POLR3B: variants seen among roughly 807,000 people sequenced by gnomAD.
POLR3B encodes RNA polymerase III subunit B.
POLR3B carries 96 observed loss-of-function variants against 147.4 expected under a neutral mutation model. The ratio of observed to expected loss-of-function variants is 0.65; its 90% CI spans 0.55 to 0.77. The LOEUF is 0.77. Ranked by LOEUF, POLR3B falls within the 30% of genes least tolerant of loss-of-function variation. The probability of loss-of-function intolerance (pLI) is 0.00; values close to 1 mark genes in which losing one functional copy is unlikely to be tolerated. For missense variants in POLR3B, 1,036 were observed against 1,413.5 expected, an observed-to-expected ratio of 0.73 and a Z score of 4.28; for synonymous variants, 461 against 485.9, an observed-to-expected ratio of 0.95 and a Z score of 0.67.
At chr12:106,393,491 TTGTGTGTG>T (rs71072674) in intron 10 of POLR3B, among the ~76,000 whole-genome samples, 58,124 of 141,266 alleles carry the variant, frequency 0.41, 13,240 homozygotes, top group East Asian at 0.68. Flanking sequence ...TGTACAGGTT[TTGTGTGTG>T]TGTGTGTGTG....
chr12:106,389,130 T>C (rs1252128338), intron 9 of POLR3B, among the ~76,000 whole-genome samples: 1 of 152,218 alleles, frequency 6.6e-6, no homozygotes, highest in Non-Finnish European at 1.5e-5. Flanking sequence ...TAAAGTAAAA[T>C]AGTTGAGCAT....
chr12:106,509,259 G>A (rs942858833), intron 27 of POLR3B, among the ~76,000 whole-genome samples, 161 bp from the exon 28 acceptor site: 2 of 152,014 alleles, frequency 1.3e-5, no homozygotes, highest in Non-Finnish European at 2.9e-5. Context: ...TTTTTTCTGG[G>A]CACATACGTA....
chr12:106,488,737 T>G (rs1244606624), intron 23 of POLR3B, among the ~76,000 whole-genome samples: 1 of 152,230 alleles, frequency 6.6e-6, no homozygotes, highest in Admixed American at 6.5e-5. Context: ...TGTAAGCCTC[T>G]TCAACTGTGT....
At chr12:106,402,375 G>A (rs2037081015) in intron 10 of POLR3B, among the ~76,000 whole-genome samples, 1 of 152,104 alleles carries the variant, frequency 6.6e-6, no homozygotes, top group Non-Finnish European at 1.5e-5. Context: ...CGTGAAAATG[G>A]CCATACTGCC....
chr12:106,464,653 T>G (rs938510424), intron 23 of POLR3B, among the ~76,000 whole-genome samples: 1 of 152,344 alleles, frequency 6.6e-6, no homozygotes, highest in African/African-American at 2.4e-5. Flanking sequence ...ACCATCTTTT[T>G]TTTTGATATA....
intron 18 of POLR3B, 72 bp downstream of exon 18, chr12:106,437,851 A>G: frequency 1.2e-6 from 1 of 819,572 alleles, no homozygotes; most frequent in South Asian, 1.4e-5. Context: ...TTTTACTGTC[A>G]TCTTCAGTCC....
At chr12:106,430,828 A>G (rs2037500879) in intron 14 of POLR3B, among the ~76,000 whole-genome samples, 1 of 152,200 alleles carries the variant, frequency 6.6e-6, no homozygotes, top group Admixed American at 6.5e-5. Context: ...CTTTTTGAGC[A>G]GCTCCTTATT....
intron 23 of POLR3B, among the ~76,000 whole-genome samples, chr12:106,483,957 C>A (rs1299028378): frequency 6.6e-6 from 1 of 152,164 alleles, no homozygotes; most frequent in African/African-American, 2.4e-5. Context: ...ACTATTTTGT[C>A]CCTTTATGTC....
chr12:106,364,319 C>G (rs1592998558), intron 2 of POLR3B, among the ~76,000 whole-genome samples: 1 of 152,194 alleles, frequency 6.6e-6, no homozygotes, highest in African/African-American at 2.4e-5. Context: ...AGCGACCAGT[C>G]AAGAGGAGCT....
At chr12:106,399,029 T>A (rs1442426766) in intron 10 of POLR3B, among the ~76,000 whole-genome samples, 1 of 152,024 alleles carries the variant, frequency 6.6e-6, no homozygotes, top group Non-Finnish European at 1.5e-5. Flanking sequence ...ACGATCAAAC[T>A]ACTCCAAGCT....
intron 6 of POLR3B, among the ~76,000 whole-genome samples, chr12:106,371,317 A>G (rs899829602): frequency 6.6e-6 from 1 of 152,226 alleles, no homozygotes; most frequent in Non-Finnish European, 1.5e-5. Flanking sequence ...GTGGAGAAAT[A>G]GGAACACATT....
chr12:106,443,911 G>A (rs576160392), intron 18 of POLR3B, among the ~76,000 whole-genome samples: 74 of 152,028 alleles, frequency 4.9e-4, no homozygotes, highest in African/African-American at 1.6e-3. Context: ...TGCAACCTCC[G>A]CCTCCCGGGT....
chr12:106,485,550 G>A (rs2038325365), intron 23 of POLR3B, among the ~76,000 whole-genome samples: 1 of 152,128 alleles, frequency 6.6e-6, no homozygotes, highest in Non-Finnish European at 1.5e-5. Flanking sequence ...GAAAAATAGA[G>A]AGAAGTGACT....
At chr12:106,389,654 G>A (rs1198978776) in intron 9 of POLR3B, among the ~76,000 whole-genome samples, 1 of 151,670 alleles carries the variant, frequency 6.6e-6, no homozygotes, top group African/African-American at 2.4e-5. Context: ...TTATGGTTGA[G>A]CATCTCAAAT....
chr12:106,442,560 C>T (rs935126099), intron 18 of POLR3B, among the ~76,000 whole-genome samples: 3 of 152,090 alleles, frequency 2.0e-5, no homozygotes, highest in Non-Finnish European at 4.4e-5. Flanking sequence ...CAGTACTCTT[C>T]AAACCAAGAA....
chr12:106,381,335 T>C (rs1027035991), intron 9 of POLR3B, among the ~76,000 whole-genome samples: 38 of 152,342 alleles, frequency 2.5e-4, no homozygotes, highest in African/African-American at 8.7e-4. Flanking sequence ...TTACCCACAG[T>C]AGAACTTCTT....
At chr12:106,431,036 C>T (rs1224732385) in intron 14 of POLR3B, among the ~76,000 whole-genome samples, 2 of 152,170 alleles carry the variant, frequency 1.3e-5, no homozygotes, top group Non-Finnish European at 2.9e-5. Context: ...GTTAGTTTCA[C>T]TTGATTCTAT....
chr12:106,477,521 G>C (rs1246521875), intron 23 of POLR3B, among the ~76,000 whole-genome samples: 1 of 150,920 alleles, frequency 6.6e-6, no homozygotes, highest in Admixed American at 6.6e-5. Context: ...GCGAGACTCC[G>C]TGGGCGTAGG....
chr12:106,433,436 C>T (rs2037535051), intron 15 of POLR3B, among the ~76,000 whole-genome samples: 1 of 152,072 alleles, frequency 6.6e-6, no homozygotes, highest in African/African-American at 2.4e-5. Context: ...GTGTTCAAAC[C>T]CAGGTTGTTT....
Sources: gnomAD v4.1 joint callset for allele counts (sites outside exome capture counted in the v4.1 genomes callset) on GRCh38, gnomAD v4.1.1 for gene constraint, MANE v1.5 for transcripts, NCBI Gene and HGNC (gene_info 2026-07-23, HGNC 2026-07-21) for gene names.